PCDHGA4: variants seen among roughly 807,000 people sequenced by gnomAD.
PCDHGA4 encodes the protein protocadherin gamma subfamily A, 4, also known as protocadherin gamma-A4.
In PCDHGA4, 38 loss-of-function variants were observed where a neutral mutation model predicts 54.6. The observed-to-expected ratio is 0.70, with a 90% CI of 0.54 to 0.91. The LOEUF is 0.91. Ranked by LOEUF, PCDHGA4 falls within the 40% of genes least tolerant of loss-of-function variation. PCDHGA4 has a pLI of 0.00. For missense variants in PCDHGA4, 1,298 were observed against 1,220.9 expected, an observed-to-expected ratio of 1.06 and a Z score of -0.94; for synonymous variants, 511 against 512.9, an observed-to-expected ratio of 1.00 and a Z score of 0.05.
At chr5:141,500,438 T>C (rs977844035) in intron 2 of PCDHGA4, among the ~76,000 whole-genome samples, 2 of 151,816 alleles carry the variant, frequency 1.3e-5, no homozygotes, top group African/African-American at 4.8e-5. Flanking sequence ...CTCGATCTCC[T>C]GACCTCGTGA....
chr5:141,438,623 TATATATATATATACACAC>T (rs1435936123), intron 1 of PCDHGA4, among the ~76,000 whole-genome samples: 532 of 42,826 alleles, frequency 0.012, 5 homozygotes, highest in African/African-American at 0.075. Flanking sequence ...TATATATATA[TATATATATATATACACAC>T]ACACACACAC....
At chr5:141,428,551 G>A (rs1192248816) in intron 1 of PCDHGA4, 1 of 254,070 alleles carries the variant, frequency 3.9e-6, no homozygotes, top group Non-Finnish European at 7.8e-6. Flanking sequence ...ACCAGAAACA[G>A]TCCCCCCACA....
intron 1 of PCDHGA4, chr5:141,366,222 C>A: frequency 3.7e-6 from 6 of 1,613,804 alleles, no homozygotes; most frequent in Non-Finnish European, 5.1e-6. Context: ...ACAGCGCGAG[C>A]CCTGCTGGAC....
chr5:141,436,700 C>T (rs2097841356), intron 1 of PCDHGA4, among the ~76,000 whole-genome samples: 1 of 152,166 alleles, frequency 6.6e-6, no homozygotes, highest in Non-Finnish European at 1.5e-5. Flanking sequence ...AATGCCAGCA[C>T]ACTCGATGTT....
intron 1 of PCDHGA4, among the ~76,000 whole-genome samples, chr5:141,449,606 A>AG (rs1263111904): frequency 2.0e-5 from 3 of 150,702 alleles, no homozygotes; most frequent in Non-Finnish European, 3.0e-5. Flanking sequence ...AAAAAAAAAA[A>AG]AGTAAAAAAG....
rs996170329 is a variant in PCDHGA4, at chr5:141,357,841, A to G, written c.2514+220A>G. On this transcript the variant is annotated intron_variant, in intron 1 of 3. Transcript: ENST00000571252. ...TCCTTTTTGGTCTTCATTCAGTTGT[A>G]GTTTCAGCCAGAATTTTCTAATTTT... 4 of 626,204 alleles carry G rather than the reference A, an allele frequency of 6.4e-6. No homozygotes were observed. The African/African-American group carries it at 7.4e-5, about 12-fold the overall frequency. The allele number at this position is 626,204 out of a possible 1,614,324, so 38.8% of individuals were successfully genotyped here.
chr5:141,484,763 T>C (rs2099600495), intron 1 of PCDHGA4, among the ~76,000 whole-genome samples: 1 of 151,872 alleles, frequency 6.6e-6, no homozygotes, highest in East Asian at 1.9e-4. Flanking sequence ...TATATATATA[T>C]ATGTTGTCTG....
At chr5:141,460,909 G>A (rs1473458228) in intron 1 of PCDHGA4, among the ~76,000 whole-genome samples, 4 of 123,246 alleles carry the variant, frequency 3.2e-5, no homozygotes, top group Non-Finnish European at 6.6e-5. Context: ...AATATTCCAT[G>A]GTGTATATAT....
At chr5:141,364,392 G>A in intron 1 of PCDHGA4, 1 of 1,603,098 alleles carries the variant, frequency 6.2e-7, no homozygotes, top group East Asian at 2.2e-5. Flanking sequence ...ATGCTCCTGG[G>A]GACGCTGTGC....
At chr5:141,417,940 C>G in intron 1 of PCDHGA4, 2 of 1,613,052 alleles carry the variant, frequency 1.2e-6, no homozygotes, top group Non-Finnish European at 1.7e-6. Context: ...TGTTCTACCC[C>G]ACGCTGTGTG....
chr5:141,447,966 A>C (rs2098556806), intron 1 of PCDHGA4, among the ~76,000 whole-genome samples: 1 of 151,922 alleles, frequency 6.6e-6, no homozygotes, highest in Non-Finnish European at 1.5e-5. Context: ...GACACCTATA[A>C]TCCCAGCTAC....
chr5:141,469,697 T>G (rs2154570403), intron 1 of PCDHGA4, among the ~76,000 whole-genome samples: 1 of 152,392 alleles, frequency 6.6e-6, no homozygotes, highest in African/African-American at 2.4e-5. Context: ...TCCTATGACC[T>G]AGTAATCACA....
chr5:141,392,844 G>C lies in PCDHGA4; in HGVS notation c.2514+35223G>C, dbSNP rs201895231. On this transcript the variant is annotated intron_variant, in intron 1 of 3. Coordinates refer to ENST00000571252, the MANE Select transcript of PCDHGA4 (RefSeq NM_018917.4). ...CGCTCCACAGAGTCGCCCCAGACGCGGCGAGCTGATCCTGCTGTGCGCGCT... is the reference window on the plus strand; with the variant it reads ...CGCTCCACAGAGTCGCCCCAGACGCCGCGAGCTGATCCTGCTGTGCGCGCT... 32 of 1,609,468 alleles carry C rather than the reference G, an allele frequency of 2.0e-5. No homozygotes were observed. The highest frequency in any genetic ancestry group is 2.5e-5 in the Non-Finnish European group (29 of 1,177,978).
chr5:141,421,047 C>G, intron 1 of PCDHGA4: 1 of 552,794 alleles, frequency 1.8e-6, no homozygotes, highest in Middle Eastern at 4.8e-4. Flanking sequence ...CCTCCCCCGC[C>G]TCTACCACAC....
At chr5:141,404,382 A>T in intron 1 of PCDHGA4, 2 of 1,613,978 alleles carry the variant, frequency 1.2e-6, no homozygotes, top group Non-Finnish European at 1.7e-6. Context: ...GTGATTGCCT[A>T]TGACCCTGAT....
chr5:141,490,549 C>T lies in PCDHGA4; in HGVS notation c.2515-4258C>T, dbSNP rs2099701539. ...TGCTGGTTCACCTTCCCTACACAAA[C>T]ATCTCACCATCAGGCTCAACATTTC... On this transcript the variant is annotated intron_variant, in intron 1 of 3. Transcript: ENST00000571252. The surrounding 1 kb of genome is among the most constrained non-coding windows in gnomAD (Gnocchi z 5.4). The T allele has an allele frequency of 1.9e-6, 3 of 1,614,178 alleles. No homozygotes were observed. The highest frequency in any genetic ancestry group is 1.7e-6 in the Non-Finnish European group (2 of 1,180,024).
At chr5:141,370,557 G>C in intron 1 of PCDHGA4, 3 of 1,613,966 alleles carry the variant, frequency 1.9e-6, no homozygotes, top group Non-Finnish European at 2.5e-6. Flanking sequence ...CAAGGACCTG[G>C]GGTTTGGCGT....
chr5:141,478,927 C>T (rs2154577116), intron 1 of PCDHGA4: 2 of 690,162 alleles, frequency 2.9e-6, no homozygotes, highest in East Asian at 6.0e-5. Flanking sequence ...TAACCAGTGG[C>T]AGCTTCTAGG....
At chr5:141,389,394 T>C (rs753490190) in intron 1 of PCDHGA4, 2 of 1,613,672 alleles carry the variant, frequency 1.2e-6, no homozygotes, top group South Asian at 2.2e-5. Flanking sequence ...ATCCTACGTG[T>C]CCATAAGCGC....
Sources: allele counts gnomAD v4.1 joint callset (sites outside exome capture counted in the v4.1 genomes callset), GRCh38; gene constraint gnomAD v4.1.1; non-coding constraint Gnocchi (gnomAD v3.1); transcripts MANE v1.5; gene names NCBI Gene and HGNC (gene_info 2026-07-23, HGNC 2026-07-21).